ECSIT: variants seen among roughly 807,000 people sequenced by gnomAD.
ECSIT encodes evolutionarily conserved signaling intermediate in Toll pathway, mitochondrial.
ECSIT carries 29 observed loss-of-function variants against 36.8 expected under a neutral mutation model. The observed-to-expected ratio is 0.79, with a 90% CI of 0.59 to 1.08. The LOEUF is 1.08. Among genes scored for constraint, ECSIT ranks in the 50% least tolerant of loss-of-function variants. The pLI is 0.00. For missense variants in ECSIT, 542 were observed against 581.0 expected (o/e 0.93, Z 0.69); for synonymous variants, 231 against 234.8 (o/e 0.98, Z 0.15).
chr19:11,518,487 G>A (rs1599585914), intron 2 of ECSIT, among the ~76,000 whole-genome samples: 1 of 152,094 alleles, frequency 6.6e-6, no homozygotes, highest in East Asian at 1.9e-4. Context: ...TACTCAGGGG[G>A]CTGAGGTGGG....
intron 1 of ECSIT, chr19:11,525,536 CAAA>C (rs1311032331): frequency 6.6e-6 from 1 of 151,628 alleles, no homozygotes; most frequent in Non-Finnish European, 1.5e-5. Flanking sequence ...AAAACAAAAA[CAAA>C]AAAACTACAG....
chr19:11,515,366 T>A (rs1391371268), intron 2 of ECSIT, among the ~76,000 whole-genome samples: 1 of 152,042 alleles, frequency 6.6e-6, no homozygotes, highest in Non-Finnish European at 1.5e-5. Context: ...GCCTCCCAAG[T>A]GCTGGGATTA....
intron 1 of ECSIT, among the ~76,000 whole-genome samples, chr19:11,526,153 C>T (rs1972212001): frequency 6.6e-6 from 1 of 152,072 alleles, no homozygotes; most frequent in African/African-American, 2.4e-5. Context: ...TTAGTACAGA[C>T]AGGGTTTCAC....
At chr19:11,527,559 T>C (rs2145008810) in intron 1 of ECSIT, among the ~76,000 whole-genome samples, 2 of 152,138 alleles carry the variant, frequency 1.3e-5, no homozygotes, top group South Asian at 4.2e-4. Flanking sequence ...TGAATGCCTG[T>C]CATCTCAGGT....
intron 3 of ECSIT, 111 bp downstream of exon 3, chr19:11,513,693 G>A (rs1971923925): frequency 1.9e-5 from 24 of 1,290,876 alleles, no homozygotes; most frequent in South Asian, 7.5e-5. Context: ...GGAGAAGAGC[G>A]AGAGAGACAG....
chr19:11,515,327 T>A (rs1285750626), intron 2 of ECSIT, among the ~76,000 whole-genome samples: 3 of 151,558 alleles, frequency 2.0e-5, no homozygotes, highest in African/African-American at 7.3e-5. Flanking sequence ...ATGGTCTCGA[T>A]CTCCTGACCT....
At chr19:11,506,527 TC>T (rs1361500525) in intron 7 of ECSIT, 99 bp from the exon 8 acceptor site, 6 of 1,059,326 alleles carry the variant, frequency 5.7e-6, no homozygotes, top group South Asian at 4.3e-5. Context: ...CCCTTCCACT[TC>T]CTTTTTTTTT....
chr19:11,519,136 C>A lies in ECSIT; in HGVS notation c.35G>T (p.Gly12Val). The A allele has an allele frequency of 6.4e-7, 1 of 1,550,702 alleles. No homozygotes were observed. Among genetic ancestry groups the A allele is most frequent in the Non-Finnish European group, 8.7e-7 (1 of 1,146,964 alleles). The change falls in exon 2 of 8, where the codon GGC (glycine) becomes GTC (valine). Residue 12 changes from glycine to valine, a missense_variant. Coordinates refer to ENST00000270517, the MANE Select transcript of ECSIT (RefSeq NM_016581.5). This position sits in a 1 kb window ranked among gnomAD's most constrained non-coding sequence, Gnocchi z 4.4. ...SWVQATLLAR[G>V]LCRAWGGTCG... ...GGTGCCTCCCCAGGCCCTACAGAGGCCTCGGGCCAGTAGGGTGGCCTGGAC... is the reference window on the plus strand; with the variant it reads ...GGTGCCTCCCCAGGCCCTACAGAGGACTCGGGCCAGTAGGGTGGCCTGGAC...
rs750167158 is a variant in ECSIT at position 11,506,469 on chromosome 19, G to T, written c.1052-41C>A. On this transcript the variant is annotated intron_variant, in intron 7 of 7. Coordinates refer to ENST00000270517, the MANE Select transcript of ECSIT (RefSeq NM_016581.5). ...CACCCTTAAGGTTTGCACAGTGGGG[G>T]CTGCAGCGGCTAACCCATGCCTACA... The T allele has an allele frequency of 2.3e-5, 37 of 1,576,328 alleles. No individual in the cohort carries two copies. In the South Asian group the frequency reaches 3.9e-4, roughly 17 times the overall value.
At chr19:11,507,417 G>A (rs371970463) in intron 7 of ECSIT, 40 bp downstream of exon 7, 9 of 1,533,940 alleles carry the variant, frequency 5.9e-6, no homozygotes, top group East Asian at 2.2e-5. Flanking sequence ...CTGGGATTAC[G>A]AGCACACATG....
At position 11,519,040 on chromosome 19, in the gene ECSIT, C is replaced by A. The variant is rs1023659898; in HGVS notation, c.96+35G>T. 1.3e-6 allele frequency: 2 copies of A among 1,526,462 alleles called. No individual in the cohort carries two copies. The highest frequency in any genetic ancestry group is 1.8e-6 in the Non-Finnish European group (2 of 1,124,040). The allele number at this position is 1,526,462 out of a possible 1,614,324, so 94.6% of individuals were successfully genotyped here. On this transcript the variant is annotated intron_variant, in intron 2 of 7. Coordinates refer to ENST00000270517, the MANE Select transcript of ECSIT (RefSeq NM_016581.5). This position sits in a 1 kb window ranked among gnomAD's most constrained non-coding sequence, Gnocchi z 4.4. ...TTGGGAGCAAATCCCAAGCTTACCT[C>A]CCTCTACCCAAAAGACTGCCTGGCT...
intron 2 of ECSIT, among the ~76,000 whole-genome samples, chr19:11,518,481 CAG>C (rs949442217): frequency 1.3e-5 from 2 of 151,936 alleles, no homozygotes; most frequent in Non-Finnish European, 2.9e-5. Context: ...CCCAGCTACT[CAG>C]GGGGCTGAGG....
intron 2 of ECSIT, among the ~76,000 whole-genome samples, chr19:11,514,629 TCTC>T (rs900043245): frequency 2.6e-5 from 4 of 151,504 alleles, no homozygotes; most frequent in African/African-American, 4.9e-5. Flanking sequence ...CTCAAGCAAT[TCTC>T]CTCCTCACCC....
rs190722765 is a variant in ECSIT, at chr19:11,520,462, G to A, written c.-23-1269C>T. Reference sequence around the variant, plus strand: ...GCTGGGATTACAGGCGTGAGCCACCGCACCTGGCCCACTGACGTGTTTTCA... The same window carrying A: ...GCTGGGATTACAGGCGTGAGCCACCACACCTGGCCCACTGACGTGTTTTCA... On this transcript the variant is annotated intron_variant, in intron 1 of 7. Transcript: ENST00000270517. 8.1e-3 allele frequency among the ~76,000 whole-genome samples: 1,230 copies of A among 151,946 alleles called. 17 individuals are homozygous for A. Among genetic ancestry groups the A allele is most frequent in the African/African-American group, 7.3e-3 (301 of 41,468 alleles).
At chr19:11,506,529 CTTTTTTTTTTTTTT>C (rs71166605) in intron 7 of ECSIT, 101 bp from the exon 8 acceptor site, 2 of 677,022 alleles carry the variant, frequency 3.0e-6, no homozygotes, top group Non-Finnish European at 3.9e-6. Context: ...CTTCCACTTC[CTTTTTTTTTTTTTT>C]TTTTTTTTTG....
rs140218162 is a variant in ECSIT, at chr19:11,525,539, A to C, written c.-24+3523T>G. The C allele has an allele frequency of 3.3e-5, 5 of 152,016 alleles. No individual in the cohort carries two copies. In the East Asian group the frequency reaches 9.7e-4, roughly 30 times the overall value. The allele number at this position is 152,016 out of a possible 1,614,324, so 9.4% of individuals were successfully genotyped here. ...AACAAAAAAACAAAAACAAAAACAA[A>C]AAAACTACAGCTACTTAAAGTGTGT... On this transcript the variant is annotated intron_variant, in intron 1 of 7. Transcript: ENST00000270517.
chr19:11,526,470 C>A lies in ECSIT; in HGVS notation c.-24+2592G>T, dbSNP rs1405507738. On this transcript the variant is annotated intron_variant, in intron 1 of 7. Transcript: ENST00000270517. ...CTTGCTTAAACTTGATCCTCTCCAT[C>A]CTATCCAATCGCACCACTACTACTG... is the stretch of plus-strand genomic sequence containing the variant. Among the ~76,000 whole-genome samples the A allele has an allele frequency of 2.0e-5, 3 of 152,304 alleles. No homozygotes were observed. In the South Asian group the frequency reaches 6.2e-4, roughly 32 times the overall value.
intron 7 of ECSIT, 99 bp from the exon 8 acceptor site, chr19:11,506,527 T>TA: frequency 3.8e-6 from 4 of 1,059,328 alleles, no homozygotes; most frequent in East Asian, 3.1e-5. Flanking sequence ...CCCTTCCACT[T>TA]CCTTTTTTTT....
At chr19:11,524,305 C>T (rs1375579185) in intron 1 of ECSIT, among the ~76,000 whole-genome samples, 3 of 151,940 alleles carry the variant, frequency 2.0e-5, no homozygotes, top group Non-Finnish European at 4.4e-5. Flanking sequence ...GGGCAGATCA[C>T]GAGGTCAAGA....
Sources: gnomAD v4.1 joint callset for allele counts (sites outside exome capture counted in the v4.1 genomes callset) on GRCh38, gnomAD v4.1.1 for gene constraint, Gnocchi (gnomAD v3.1) non-coding constraint, MANE v1.5 for transcripts, NCBI Gene and HGNC (gene_info 2026-07-23, HGNC 2026-07-21) for gene names.